The following ZMAT4 variants were observed in gnomAD, a reference collection of about 807,000 sequenced individuals.
ZMAT4 encodes zinc finger matrin-type 4, also known as zinc finger matrin-type protein 4.
A neutral mutation model predicts 28.7 loss-of-function variants in ZMAT4; 17 were observed. The ratio of observed to expected loss-of-function variants is 0.59; its 90% CI spans 0.41 to 0.89. The LOEUF is 0.89. Ranked by LOEUF, ZMAT4 falls within the 40% of genes least tolerant of loss-of-function variation. The pLI is 0.00. For synonymous variants in ZMAT4, 117 were observed against 109.2 expected, an observed-to-expected ratio of 1.07 and a Z score of -0.44; for missense variants, 240 against 283.8, an observed-to-expected ratio of 0.85 and a Z score of 1.11.
At chr8:40,836,161 AAAT>A (rs1273897211) in intron 1 of ZMAT4, among the ~76,000 whole-genome samples, 3 of 152,228 alleles carry the variant, frequency 2.0e-5, no homozygotes, top group Non-Finnish European at 4.4e-5. Flanking sequence ...GAAATCGGGA[AAAT>A]AATGATTGGT....
chr8:40,851,381 T>C (rs1285180360), intron 1 of ZMAT4, among the ~76,000 whole-genome samples: 1 of 152,142 alleles, frequency 6.6e-6, no homozygotes, highest in Non-Finnish European at 1.5e-5. Flanking sequence ...TTAAATGCAA[T>C]GTAGTATCCT....
chr8:40,625,104 G>T (rs763334921), intron 5 of ZMAT4, among the ~76,000 whole-genome samples: 2 of 152,100 alleles, frequency 1.3e-5, no homozygotes, highest in African/African-American at 2.4e-5. Context: ...CCATATGAAG[G>T]CCCGGGGAAG....
At chr8:40,820,749 A>ACGTGGATG (rs1815751122) in intron 2 of ZMAT4, among the ~76,000 whole-genome samples, 1 of 304 alleles carries the variant, frequency 3.3e-3, no homozygotes. Flanking sequence ...TTATGTGTGC[A>ACGTGGATG]TTTGTGCATA....
intron 1 of ZMAT4, among the ~76,000 whole-genome samples, chr8:40,883,925 G>A (rs1818364215): frequency 1.3e-5 from 2 of 152,100 alleles, no homozygotes; most frequent in African/African-American, 4.8e-5. Context: ...TATTAATTCA[G>A]TCATAACTCT....
intron 3 of ZMAT4, among the ~76,000 whole-genome samples, chr8:40,703,125 C>G (rs1237524586): frequency 1.3e-5 from 2 of 152,092 alleles, no homozygotes; most frequent in Non-Finnish European, 2.9e-5. Flanking sequence ...CAGACCTAAT[C>G]CTGAATTTTA....
chr8:40,833,730 C>A (rs759622403), intron 1 of ZMAT4, among the ~76,000 whole-genome samples: 1 of 152,096 alleles, frequency 6.6e-6, no homozygotes. Context: ...GGAGAATCCC[C>A]CATGCAGCAT....
At chr8:40,558,469 G>A (rs1199718130) in intron 6 of ZMAT4, among the ~76,000 whole-genome samples, 8 of 152,092 alleles carry the variant, frequency 5.3e-5, no homozygotes, top group African/African-American at 1.4e-4. Flanking sequence ...GATTTGAGGC[G>A]TGTGGAGGTG....
chr8:40,812,882 G>A (rs1250811407), intron 2 of ZMAT4, among the ~76,000 whole-genome samples: 4 of 151,590 alleles, frequency 2.6e-5, no homozygotes, highest in East Asian at 3.9e-4. Flanking sequence ...GCAGTGAGCC[G>A]AGATTGTGCC....
chr8:40,762,206 C>G (rs192626314), intron 3 of ZMAT4, among the ~76,000 whole-genome samples: 8 of 152,338 alleles, frequency 5.3e-5, no homozygotes, highest in African/African-American at 1.9e-4. Context: ...TAATGTCCCC[C>G]TCCAAATTCA....
chr8:40,891,716 G>A (rs968687595), intron 1 of ZMAT4, among the ~76,000 whole-genome samples: 1 of 152,216 alleles, frequency 6.6e-6, no homozygotes, highest in South Asian at 2.1e-4. Context: ...CTCCGTGCTG[G>A]GCACAAAGGC....
chr8:40,840,042 T>C (rs1348241722), intron 1 of ZMAT4, among the ~76,000 whole-genome samples: 1 of 152,042 alleles, frequency 6.6e-6, no homozygotes, highest in African/African-American at 2.4e-5. Flanking sequence ...ACTGATGGAG[T>C]GGCCTGGACT....
At chr8:40,858,922 G>A (rs1249691193) in intron 1 of ZMAT4, among the ~76,000 whole-genome samples, 3 of 152,144 alleles carry the variant, frequency 2.0e-5, no homozygotes, top group Admixed American at 1.3e-4. Flanking sequence ...CCATGTTTAC[G>A]ATCCATGGTG....
intron 2 of ZMAT4, among the ~76,000 whole-genome samples, chr8:40,815,568 C>T (rs987495639): frequency 9.2e-5 from 14 of 152,110 alleles, no homozygotes; most frequent in Non-Finnish European, 1.5e-4. Context: ...CTGAGGAGAC[C>T]CCCAGGAGAA....
chr8:40,722,025 A>G (rs1363405026), intron 3 of ZMAT4, among the ~76,000 whole-genome samples: 1 of 151,958 alleles, frequency 6.6e-6, no homozygotes, highest in Admixed American at 6.6e-5. Flanking sequence ...AAATCAATTC[A>G]AGATAGATTA....
At chr8:40,601,721 G>T (rs1355334442) in intron 5 of ZMAT4, among the ~76,000 whole-genome samples, 1 of 65,124 alleles carries the variant, frequency 1.5e-5, no homozygotes, top group African/African-American at 3.7e-5. Context: ...AAGAAAGAAA[G>T]AAAGAAAGAG....
At chr8:40,714,473 T>C (rs1810759157) in intron 3 of ZMAT4, among the ~76,000 whole-genome samples, 2 of 152,188 alleles carry the variant, frequency 1.3e-5, no homozygotes, top group South Asian at 2.1e-4. Context: ...AAAATCATGA[T>C]ATAGAAAAAT....
At chr8:40,869,887 T>A (rs1202010588) in intron 1 of ZMAT4, among the ~76,000 whole-genome samples, 1 of 152,186 alleles carries the variant, frequency 6.6e-6, no homozygotes, top group African/African-American at 2.4e-5. Flanking sequence ...CTGGGTTCTT[T>A]CTTACTGTGC....
At chr8:40,826,544 C>T (rs939498036) in intron 1 of ZMAT4, among the ~76,000 whole-genome samples, 20 of 152,026 alleles carry the variant, frequency 1.3e-4, no homozygotes, top group African/African-American at 4.1e-4. Context: ...AGCCTTTAAG[C>T]GGTATAAAAT....
chr8:40,736,604 A>G (rs1343113595), intron 3 of ZMAT4, among the ~76,000 whole-genome samples: 1 of 152,274 alleles, frequency 6.6e-6, no homozygotes, highest in East Asian at 1.9e-4. Context: ...ACCAGTCACC[A>G]AAATTCTTGG....
Sources: allele counts gnomAD v4.1 joint callset (sites outside exome capture counted in the v4.1 genomes callset), GRCh38; gene constraint gnomAD v4.1.1; transcripts MANE v1.5; gene names NCBI Gene and HGNC (gene_info 2026-07-23, HGNC 2026-07-21).